Variants in RGS21 observed in about 807,000 individuals in gnomAD.
RGS21 encodes the protein regulator of G-protein signalling 21.
RGS21 carries 19 observed loss-of-function variants against 18.7 expected under a neutral mutation model. The ratio of observed to expected loss-of-function variants is 1.01; its 90% CI spans 0.71 to 1.49. The LOEUF (loss-of-function observed/expected upper bound fraction) is 1.49. Among genes scored for constraint, RGS21 ranks in the 40% most tolerant of loss-of-function variants. The pLI, the probability that RGS21 is intolerant of heterozygous loss-of-function variation, is 0.00. For missense variants in RGS21, 194 were observed against 176.8 expected, an observed-to-expected ratio of 1.10 and a Z score of -0.55; for synonymous variants, 56 against 57.8, an observed-to-expected ratio of 0.97 and a Z score of 0.14.
In RGS21 at chr1:192,365,952, T is replaced by C; in HGVS notation, c.287T>C (p.Ile96Thr). The C allele has an allele frequency of 6.2e-7, 1 of 1,609,276 alleles. No individual in the cohort carries two copies. The highest frequency in any genetic ancestry group is 8.5e-7 in the Non-Finnish European group (1 of 1,176,452). Residue 96 changes from isoleucine to threonine, a missense_variant, in exon 5 of 5, where the codon ATC (isoleucine) becomes ACC (threonine). By Grantham distance (89) the Ile-to-Thr change is moderately conservative. Coordinates refer to ENST00000417209, the MANE Select transcript of RGS21 (RefSeq NM_001039152.3). ...ATTGACTTCGGTACCAGAGACCTCA[T>C]CTCAAAGAATATTGCTGAACCAACA... ...INIDFGTRDL[I>T]SKNIAEPTLK...
chr1:192,343,673 A>T (rs1276297738), intron 2 of RGS21, among the ~76,000 whole-genome samples: 1 of 152,132 alleles, frequency 6.6e-6, no homozygotes, highest in Admixed American at 6.6e-5. Context: ...AATAGAAAGG[A>T]AATCAGCCAA....
At position 192,318,825 on chromosome 1, in the gene RGS21, C is replaced by A. The variant is rs143268396; in HGVS notation, c.-61+1720C>A. On this transcript the variant is annotated intron_variant, in intron 1 of 4. Coordinates refer to ENST00000417209, the MANE Select transcript of RGS21 (RefSeq NM_001039152.3). Reference sequence around the variant, plus strand: ...ATCCATGTCATTGTCACCATAAAAACCAGCTGGTAATTTTTACTTAGATAT... The same window carrying A: ...ATCCATGTCATTGTCACCATAAAAAACAGCTGGTAATTTTTACTTAGATAT... Among the ~76,000 whole-genome samples the A allele has an allele frequency of 1.7e-3, 253 of 152,128 alleles. 1 individual carries two copies. Among genetic ancestry groups the A allele is most frequent in the African/African-American group, 5.5e-3 (227 of 41,516 alleles).
At chr1:192,363,293 A>C (rs190881821) in intron 4 of RGS21, among the ~76,000 whole-genome samples, 7 of 152,274 alleles carry the variant, frequency 4.6e-5, no homozygotes, top group Admixed American at 4.6e-4. Context: ...ATAATAAGCT[A>C]GCACTGTTTG....
At chr1:192,352,325 T>C (rs1659056177) in intron 4 of RGS21, 112 bp downstream of exon 4, 5 of 699,790 alleles carry the variant, frequency 7.1e-6, no homozygotes, top group Non-Finnish European at 8.5e-6. Flanking sequence ...TGTGTTTAAA[T>C]AGAAAATGTC....
At chr1:192,348,645 A>G (rs1418120696) in intron 3 of RGS21, among the ~76,000 whole-genome samples, 1 of 152,158 alleles carries the variant, frequency 6.6e-6, no homozygotes, top group African/African-American at 2.4e-5. Context: ...TAGTTAACAC[A>G]ACTTACATAT....
At chr1:192,365,327 T>C (rs1659239219) in intron 4 of RGS21, among the ~76,000 whole-genome samples, 1 of 152,104 alleles carries the variant, frequency 6.6e-6, no homozygotes, top group African/African-American at 2.4e-5. Flanking sequence ...AGATCTCCAT[T>C]AGAACTCGCT....
Position 192,366,168 on chromosome 1 carries a change from AT to A in RGS21, c.*48del. 8.9e-7 allele frequency: 1 copy of A among 1,118,582 alleles called. No homozygotes were observed. Among genetic ancestry groups the A allele is most frequent in the African/African-American group, 1.6e-5 (1 of 63,770 alleles). 69.3% of individuals were successfully genotyped at this position (1,118,582 alleles called of 1,614,324 possible). A position where few individuals can be genotyped will look rare whatever the true frequency, so the allele number is the denominator to read the frequency against. On this transcript the variant is annotated 3_prime_UTR_variant, in exon 5 of 5. Coordinates refer to ENST00000417209, the MANE Select transcript of RGS21 (RefSeq NM_001039152.3). The stretch of plus-strand genomic sequence containing the variant: ...AATCACTATACTTCAGGGCTACAAT[AT>A]TTTAAATATACAAGCATGATGCATT...
At chr1:192,353,451 T>G (rs796398495) in intron 4 of RGS21, among the ~76,000 whole-genome samples, 2 of 151,974 alleles carry the variant, frequency 1.3e-5, no homozygotes, top group African/African-American at 4.8e-5. Context: ...CATGTAAGAT[T>G]TGTAAGGTTG....
chr1:192,321,743 C>G (rs1424269524), intron 1 of RGS21, among the ~76,000 whole-genome samples: 2 of 151,944 alleles, frequency 1.3e-5, no homozygotes, highest in Non-Finnish European at 2.9e-5. Flanking sequence ...ATCTGACATA[C>G]TCACTCTTTG....
At chr1:192,334,169 G>A (rs1658731007) in intron 1 of RGS21, among the ~76,000 whole-genome samples, 1 of 152,050 alleles carries the variant, frequency 6.6e-6, no homozygotes, top group Admixed American at 6.6e-5. Flanking sequence ...CAACATAAGT[G>A]TAGTAGAAAG....
intron 4 of RGS21, among the ~76,000 whole-genome samples, chr1:192,363,561 T>G (rs1032582485): frequency 6.6e-6 from 1 of 152,162 alleles, no homozygotes; most frequent in Non-Finnish European, 1.5e-5. Flanking sequence ...TAGCCACTAT[T>G]GATTCCCACT....
rs930392694 is a variant in RGS21, at chr1:192,329,822, T to C, written c.-61+12717T>C. ...AAAACCTACACACACAGAATAGATA[T>C]TCTTTGCCTTTTCCATATTATAAGT... On this transcript the variant is annotated intron_variant, in intron 1 of 4. Transcript: ENST00000417209. 2.0e-5 allele frequency among the ~76,000 whole-genome samples: 3 copies of C among 152,086 alleles called. No homozygotes were observed. In the East Asian group the frequency reaches 5.8e-4, roughly 29 times the overall value.
chr1:192,329,589 A>T (rs905651786), intron 1 of RGS21, among the ~76,000 whole-genome samples: 1 of 152,152 alleles, frequency 6.6e-6, no homozygotes, highest in Admixed American at 6.5e-5. Context: ...TATCTGTAAC[A>T]AAGGAATTAA....
rs10638712 is a variant in RGS21 at position 192,359,655 on chromosome 1, G to GTATATATATATA, written c.256-6254_256-6243dup. 7.1e-3 allele frequency among the ~76,000 whole-genome samples: 879 copies of GTATATATATATA among 124,226 alleles called. 10 individuals are homozygous for GTATATATATATA. Among genetic ancestry groups the GTATATATATATA allele is most frequent in the South Asian group, 0.022 (73 of 3,364 alleles). 81.5% of individuals were successfully genotyped at this position (124,226 alleles called of 152,430 possible). On this transcript the variant is annotated intron_variant, in intron 4 of 4. Coordinates refer to ENST00000417209, the MANE Select transcript of RGS21 (RefSeq NM_001039152.3). ...TATATATGTTTATATGTGTGTGTGT[G>GTATATATATATA]TATATATATATATATATATATATTC... is the stretch of plus-strand genomic sequence containing the variant.
intron 1 of RGS21, among the ~76,000 whole-genome samples, chr1:192,329,852 T>C (rs753367223): frequency 2.0e-5 from 3 of 152,070 alleles, no homozygotes; most frequent in Non-Finnish European, 2.9e-5. Context: ...ATAAGTAGGA[T>C]TAGGTATATG....
At chr1:192,356,471 T>C (rs1460039341) in intron 4 of RGS21, among the ~76,000 whole-genome samples, 1 of 151,726 alleles carries the variant, frequency 6.6e-6, no homozygotes, top group Non-Finnish European at 1.5e-5. Context: ...ATAAAGTGTA[T>C]AGAACTAGAG....
chr1:192,333,858 T>C (rs1658725401), intron 1 of RGS21, among the ~76,000 whole-genome samples: 1 of 152,098 alleles, frequency 6.6e-6, no homozygotes, highest in Non-Finnish European at 1.5e-5. Flanking sequence ...GCACTATAAT[T>C]ATATAAGATG....
intron 1 of RGS21, among the ~76,000 whole-genome samples, chr1:192,339,869 G>T (rs1658831219): frequency 6.6e-6 from 1 of 152,000 alleles, no homozygotes; most frequent in Non-Finnish European, 1.5e-5. Context: ...AAACTGAAAA[G>T]AAATACCTTC....
intron 4 of RGS21, among the ~76,000 whole-genome samples, chr1:192,363,143 A>G (rs1246381408): frequency 1.3e-5 from 2 of 152,168 alleles, no homozygotes; most frequent in Non-Finnish European, 2.9e-5. Flanking sequence ...ATGGGAATAC[A>G]GGGCACACAT....
Sources: allele counts gnomAD v4.1 joint callset (sites outside exome capture counted in the v4.1 genomes callset), GRCh38; gene constraint gnomAD v4.1.1; transcripts MANE v1.5; gene names NCBI Gene and HGNC (gene_info 2026-07-23, HGNC 2026-07-21).